KLRG2: variants seen among roughly 807,000 people sequenced by gnomAD.
The protein encoded by KLRG2 is killer cell lectin like receptor G2.
Under a neutral mutation model 35.4 loss-of-function variants are expected in KLRG2, and 39 were observed. That is an observed-to-expected ratio of 1.10 (90% CI 0.85 to 1.44). The LOEUF is 1.44. Ranked by LOEUF, KLRG2 falls within the 40% of genes most tolerant of loss-of-function variation. The pLI, the probability that KLRG2 is intolerant of heterozygous loss-of-function variation, is 0.00. For synonymous variants in KLRG2, 283 were observed against 265.8 expected (o/e 1.06, Z -0.63); for missense variants, 632 against 570.9 (o/e 1.11, Z -1.09).
chr7:139,436,092 A>G, the KLRG2 span, among the ~76,000 whole-genome samples: 48,316 of 151,748 alleles, frequency 0.32, 10,575 homozygotes, highest in African/African-American at 0.62. Flanking sequence ...TAGTAGAGAC[A>G]GGGTTTCACC....
At position 139,466,427 on chromosome 7, in the gene KLRG2, G is replaced by A. The variant is rs141554268; in HGVS notation, c.1006-12213C>T. On this transcript the variant is annotated intron_variant, in intron 3 of 4. Transcript: ENST00000340940. Reference sequence around the variant, plus strand: ...CACCCAAGCAGTTTCTCAGGCTCTTGTTATTTAGTGGCTCCTGGTTTTACC... The same window carrying A: ...CACCCAAGCAGTTTCTCAGGCTCTTATTATTTAGTGGCTCCTGGTTTTACC... 3.7e-3 allele frequency among the ~76,000 whole-genome samples: 561 copies of A among 152,206 alleles called. 25 individuals are homozygous for A. The East Asian group carries it at 0.076, about 21-fold the overall frequency.
At chr7:139,438,926 C>G in the KLRG2 span, among the ~76,000 whole-genome samples, 690 of 126,934 alleles carry the variant, frequency 5.4e-3, 4 homozygotes, top group African/African-American at 0.018. Flanking sequence ...CCCCTCCCCC[C>G]CCCCACCCCG....
chr7:139,433,305 T>C, the KLRG2 span, among the ~76,000 whole-genome samples: 1 of 121,250 alleles, frequency 8.2e-6, no homozygotes, highest in African/African-American at 5.5e-5. Context: ...GTACCTGTGG[T>C]GTGTGGTTTT....
the KLRG2 span, among the ~76,000 whole-genome samples, chr7:139,439,969 T>G: frequency 6.6e-6 from 1 of 152,190 alleles, no homozygotes; most frequent in East Asian, 1.9e-4. Context: ...CAGGGCCATG[T>G]TCCCTCTGAT....
chr7:139,469,350 G>A (rs1796718991), intron 3 of KLRG2, among the ~76,000 whole-genome samples: 1 of 152,070 alleles, frequency 6.6e-6, no homozygotes, highest in Admixed American at 6.6e-5. Context: ...AGTAGAGACG[G>A]GGTTTCACCA....
the KLRG2 span, among the ~76,000 whole-genome samples, chr7:139,427,309 T>A: frequency 2.0e-5 from 3 of 151,912 alleles, no homozygotes; most frequent in Non-Finnish European, 2.9e-5. Context: ...GCAGAAACAT[T>A]AGGGTGTTAG....
chr7:139,472,758 C>T lies in KLRG2; in HGVS notation c.1005+6869G>A, dbSNP rs1013561978. Among the ~76,000 whole-genome samples the T allele has an allele frequency of 3.9e-5, 6 of 152,178 alleles. No homozygotes were observed. The South Asian group carries it at 1.2e-3, about 32-fold the overall frequency. On this transcript the variant is annotated intron_variant, in intron 3 of 4. Transcript: ENST00000340940. ...ACCCCAATTTGAATTGAGAAGCCCC[C>T]AAAGCTTAAGTATTAGAGACAACAG...
At chr7:139,468,556 CTT>C (rs949702946) in intron 3 of KLRG2, among the ~76,000 whole-genome samples, 3 of 152,156 alleles carry the variant, frequency 2.0e-5, no homozygotes, top group East Asian at 1.9e-4. Flanking sequence ...TTCGCTGACT[CTT>C]TTTTCAGACT....
At chr7:139,450,126 T>G (rs1030390859), downstream of KLRG2, among the ~76,000 whole-genome samples, 1 of 151,846 alleles carries the variant, frequency 6.6e-6, no homozygotes, top group Non-Finnish European at 1.5e-5. Context: ...CACTGCAACC[T>G]CTGCCTCCCG....
intron 3 of KLRG2, among the ~76,000 whole-genome samples, chr7:139,469,502 G>A (rs1297135662): frequency 6.6e-6 from 1 of 151,936 alleles, no homozygotes; most frequent in Non-Finnish European, 1.5e-5. Flanking sequence ...CCGTCACCCA[G>A]TAGCGCGATC....
Position 139,460,042 on chromosome 7 carries a change from G to A in KLRG2, c.1006-5828C>T, listed in dbSNP as rs181283403. ...TGGGATTACAGGTGTGAGCCCCCGC[G>A]CCTGGCCATATTTGTATATTTTTAG... On this transcript the variant is annotated intron_variant, in intron 3 of 4. Transcript: ENST00000340940. Among the ~76,000 whole-genome samples the A allele has an allele frequency of 5.3e-3, 811 of 152,208 alleles. 7 individuals carry two copies. The highest frequency in any genetic ancestry group is 0.018 in the African/African-American group (762 of 41,524).
At chr7:139,478,199 G>A (rs189921959) in intron 3 of KLRG2, among the ~76,000 whole-genome samples, 220 of 151,122 alleles carry the variant, frequency 1.5e-3, no homozygotes, top group Admixed American at 4.6e-3. Context: ...CAAGACTTGT[G>A]TCTCTACAAA....
intron 3 of KLRG2, among the ~76,000 whole-genome samples, chr7:139,475,345 C>T (rs142731257): frequency 0.032 from 4,845 of 152,172 alleles, 115 homozygotes; most frequent in Non-Finnish European, 0.048. Context: ...TCCTGGCTAA[C>T]ATGGTGAAAC....
At chr7:139,455,095 T>C (rs1249168671) in intron 3 of KLRG2, among the ~76,000 whole-genome samples, 3 of 151,350 alleles carry the variant, frequency 2.0e-5, no homozygotes, top group Admixed American at 2.0e-4. Flanking sequence ...CCTGGCTCAC[T>C]GCAGCCTCCG....
intron 3 of KLRG2, among the ~76,000 whole-genome samples, chr7:139,475,879 T>C (rs1213091717): frequency 6.6e-6 from 1 of 151,228 alleles, no homozygotes; most frequent in African/African-American, 2.4e-5. Flanking sequence ...TCTGAAGCTA[T>C]CTCCGGGAAA....
rs201866297 is a variant in KLRG2, at chr7:139,479,656, C to T, written c.976G>A (p.Ala326Thr). The T allele has an allele frequency of 1.9e-4, 308 of 1,613,354 alleles. No homozygotes were observed. Among genetic ancestry groups the T allele is most frequent in the Middle Eastern group, 6.6e-4 (4 of 6,084 alleles). ...ASQAFCSAYH[A>T]TLPLLSHTQD... Reference sequence around the variant, plus strand: ...GTGTGGCTTAGCAGGGGGAGGGTAGCGTGGTAGGCTGAGCAGAAAGCCTGG... The same window carrying T: ...GTGTGGCTTAGCAGGGGGAGGGTAGTGTGGTAGGCTGAGCAGAAAGCCTGG... Residue 326 changes from alanine (A) to threonine (T), a missense_variant, in exon 3 of 5, where the codon GCT becomes ACT. Transcript: ENST00000340940.
chr7:139,434,816 G>A, the KLRG2 span, among the ~76,000 whole-genome samples: 2 of 152,152 alleles, frequency 1.3e-5, no homozygotes, highest in Non-Finnish European at 2.9e-5. Context: ...TTCGGTTTGA[G>A]CCCTGAATCT....
the KLRG2 span, among the ~76,000 whole-genome samples, chr7:139,435,838 T>C: frequency 1.3e-5 from 2 of 152,222 alleles, no homozygotes; most frequent in East Asian, 3.9e-4. Flanking sequence ...CTTAAAGTCA[T>C]GTGTTTATTT....
At chr7:139,466,136 G>A (rs1168131791) in intron 3 of KLRG2, among the ~76,000 whole-genome samples, 2 of 152,076 alleles carry the variant, frequency 1.3e-5, no homozygotes, top group African/African-American at 4.8e-5. Flanking sequence ...GGATTATTCA[G>A]GCCCCCTCCC....
Sources: gnomAD v4.1 joint callset for allele counts (sites outside exome capture counted in the v4.1 genomes callset) on GRCh38, gnomAD v4.1.1 for gene constraint, MANE v1.5 for transcripts, NCBI Gene and HGNC (gene_info 2026-07-23, HGNC 2026-07-21) for gene names.